CALY: variants seen among roughly 807,000 people sequenced by gnomAD.
The protein encoded by CALY is neuron-specific vesicular protein calcyon.
In CALY, 15 loss-of-function variants were observed where a neutral mutation model predicts 20.2. That is an observed-to-expected ratio of 0.74 (90% CI 0.50 to 1.14). The LOEUF (loss-of-function observed/expected upper bound fraction) is 1.14. CALY is among the 50% of genes most tolerant of loss of function. The probability of loss-of-function intolerance (pLI) is 0.00; values close to 1 mark genes in which losing one functional copy is unlikely to be tolerated. For synonymous variants in CALY, 129 were observed against 131.8 expected (o/e 0.98, Z 0.15); for missense variants, 270 against 304.4 (o/e 0.89, Z 0.84).
chr10:133,324,104 C>T lies in CALY; in HGVS notation c.*1491G>A, dbSNP rs1274145596. 15 of 183,506 alleles carry T rather than the reference C, an allele frequency of 8.2e-5. No individual in the cohort carries two copies. The highest frequency in any genetic ancestry group is 3.5e-5 in the Non-Finnish European group (3 of 84,878). The allele number at this position is 183,506 out of a possible 1,614,324, so 11.4% of individuals were successfully genotyped here. ...GAAAGCTGTATTTTAATTCAAACAT[C>T]GGCCATGCAGAGACTCCCTGCCCCC... On this transcript the variant is annotated 3_prime_UTR_variant, in exon 6 of 6. Transcript: ENST00000252939.
At position 133,324,234 on chromosome 10, in the gene CALY, A is replaced by C; in HGVS notation, c.*1361T>G. ...TGTTCATCTGGCCAATGCCCTTAGA[A>C]GCCCAGCAGTGAAGGGTGTGGTGTG... On this transcript the variant is annotated 3_prime_UTR_variant, in exon 6 of 6. Coordinates refer to ENST00000252939, the MANE Select transcript of CALY (RefSeq NM_015722.4). 2.5e-6 allele frequency: 1 copy of C among 402,346 alleles called. No homozygotes were observed. Among genetic ancestry groups the C allele is most frequent in the Non-Finnish European group, 5.1e-6 (1 of 194,862 alleles). 24.9% of individuals were successfully genotyped at this position (402,346 alleles called of 1,614,324 possible).
chr10:133,324,261 A>G lies in CALY; in HGVS notation c.*1334T>C. 6.8e-6 allele frequency: 3 copies of G among 444,038 alleles called. No homozygotes were observed. Among genetic ancestry groups the G allele is most frequent in the South Asian group, 1.6e-5 (1 of 63,478 alleles). The allele number at this position is 444,038 out of a possible 1,614,324, so 27.5% of individuals were successfully genotyped here. A position where few individuals can be genotyped will look rare whatever the true frequency, so the allele number is the denominator to read the frequency against. ...CCCAGCAGTGAAGGGTGTGGTGTGC[A>G]TGGCCCTGCCTTCCCTGACCCCACC... is the stretch of plus-strand genomic sequence containing the variant. On this transcript the variant is annotated 3_prime_UTR_variant, in exon 6 of 6. Transcript: ENST00000252939.
At chr10:133,336,277 C>T (rs1039724569) in intron 1 of CALY, among the ~76,000 whole-genome samples, 1 of 152,192 alleles carries the variant, frequency 6.6e-6, no homozygotes, top group African/African-American at 2.4e-5. Flanking sequence ...CGCACCCGAG[C>T]CTGCTGCAGG....
chr10:133,327,806 A>C, intron 3 of CALY, 99 bp downstream of exon 3: 1 of 791,422 alleles, frequency 1.3e-6, no homozygotes, highest in Non-Finnish European at 2.2e-6. Context: ...GAGCAAGGGG[A>C]CCCCAGACTG....
intron 1 of CALY, among the ~76,000 whole-genome samples, chr10:133,334,828 G>A (rs1416308605): frequency 6.6e-6 from 1 of 152,032 alleles, no homozygotes; most frequent in African/African-American, 2.4e-5. Context: ...GCCCTAACCC[G>A]TGCCCCTCGT....
rs372158723 is a variant in CALY, at chr10:133,326,979, G to C, written c.259C>G (p.Arg87Gly). The C allele has an allele frequency of 3.7e-6, 6 of 1,607,822 alleles. No individual in the cohort carries two copies. The highest frequency in any genetic ancestry group is 5.1e-6 in the Non-Finnish European group (6 of 1,178,232). ...AGCGCCATGGCGAAGGCGATCATCC[G>C]TGCGGTGGGCAGCTGGCAGGAGGGC... ...PEEGRRLPTA[R>G]MIAFAMALLG... Residue 87 changes from arginine (R) to glycine (G), a missense_variant, in exon 4 of 6, where the codon CGG (arginine) becomes GGG (glycine). Arg to Gly is a moderately radical substitution (Grantham distance 125, BLOSUM62 -2). Coordinates refer to ENST00000252939, the MANE Select transcript of CALY (RefSeq NM_015722.4).
At chr10:133,332,816 T>A (rs1009873889) in intron 1 of CALY, among the ~76,000 whole-genome samples, 4 of 152,136 alleles carry the variant, frequency 2.6e-5, no homozygotes, top group Non-Finnish European at 5.9e-5. Flanking sequence ...GAGAGTGTTA[T>A]GTGTAGACGG....
At position 133,324,695 on chromosome 10, in the gene CALY, CG is replaced by C. The variant is rs1268319732; in HGVS notation, c.*899del. The C allele has an allele frequency of 8.8e-6, 3 of 342,456 alleles. No individual in the cohort carries two copies. The highest frequency in any genetic ancestry group is 6.2e-5 in the South Asian group (3 of 48,178). The allele number at this position is 342,456 out of a possible 1,614,324, so 21.2% of individuals were successfully genotyped here. The stretch of plus-strand genomic sequence containing the variant: ...GGTGCAGGTGGTGGGTGAGATCTGC[CG>C]GAAGTCCATTCCCTGTAGTGTTCAG... On this transcript the variant is annotated 3_prime_UTR_variant, in exon 6 of 6. Transcript: ENST00000252939.
chr10:133,325,786 G>T lies in CALY; in HGVS notation c.*28+13C>A, dbSNP rs1200129736. The T allele has an allele frequency of 3.6e-6, 4 of 1,123,412 alleles. No individual in the cohort carries two copies. In the African/African-American group the frequency reaches 4.9e-5, roughly 14 times the overall value. 69.6% of individuals were successfully genotyped at this position (1,123,412 alleles called of 1,614,324 possible). On this transcript the variant is annotated intron_variant, in intron 5 of 5. Coordinates refer to ENST00000252939, the MANE Select transcript of CALY (RefSeq NM_015722.4). ...TGGGCAGAGCCGGCCGGAGCCCCGC[G>T]GCGCGCACCTACCCCGGGCCGGGCT... is the stretch of plus-strand genomic sequence containing the variant.
intron 1 of CALY, among the ~76,000 whole-genome samples, chr10:133,336,618 C>T (rs975905154): frequency 6.6e-6 from 1 of 152,176 alleles, no homozygotes; most frequent in African/African-American, 2.4e-5. Flanking sequence ...AGAGGAGGCC[C>T]GAGGGAGGAG....
rs77154765 is a variant in CALY, at chr10:133,327,061, G to A, written c.247-70C>T. 1.3e-5 allele frequency: 14 copies of A among 1,052,154 alleles called. No individual in the cohort carries two copies. The African/African-American group carries it at 1.7e-4, about 13-fold the overall frequency. 65.2% of individuals were successfully genotyped at this position (1,052,154 alleles called of 1,614,324 possible). A position where few individuals can be genotyped will look rare whatever the true frequency, so the allele number is the denominator to read the frequency against. Reference sequence around the variant, plus strand: ...GGTCTTTGTGGGGAGCTCCTCAGGGGCTGGGCTGGCACAGGACCATCCCCG... The same window carrying A: ...GGTCTTTGTGGGGAGCTCCTCAGGGACTGGGCTGGCACAGGACCATCCCCG... On this transcript the variant is annotated intron_variant, in intron 3 of 5. Coordinates refer to ENST00000252939, the MANE Select transcript of CALY (RefSeq NM_015722.4).
In CALY at chr10:133,329,029, G is replaced by A; in HGVS notation, c.-20-20C>T. 6.6e-7 allele frequency: 1 copy of A among 1,516,254 alleles called. No homozygotes were observed. The highest frequency in any genetic ancestry group is 1.2e-5 in the South Asian group (1 of 81,298). The allele number at this position is 1,516,254 out of a possible 1,614,324, so 93.9% of individuals were successfully genotyped here. The stretch of plus-strand genomic sequence containing the variant: ...CTTGTCCTGTCCAAAGACAGACAGA[G>A]TCACTGCCCACAGGCTGCCCCCTGG... On this transcript the variant is annotated intron_variant, in intron 1 of 5. Transcript: ENST00000252939.
intron 4 of CALY, 49 bp downstream of exon 4, chr10:133,326,829 G>T (rs756079418): frequency 2.3e-6 from 3 of 1,283,846 alleles, no homozygotes; most frequent in Non-Finnish European, 2.2e-6. Context: ...TGGAGGCTAC[G>T]GGAGGAGGGG....
chr10:133,328,414 T>TG (rs1467026263), intron 2 of CALY, among the ~76,000 whole-genome samples: 6 of 152,158 alleles, frequency 3.9e-5, no homozygotes, highest in Non-Finnish European at 8.8e-5. Flanking sequence ...CATGACTCCC[T>TG]GGGGGGTCAA....
At chr10:133,327,080 A>C (rs566691242) in intron 3 of CALY, 89 bp from the exon 4 acceptor site, 1 of 873,484 alleles carries the variant, frequency 1.1e-6, no homozygotes, top group East Asian at 2.6e-5. Context: ...GCACAGGACC[A>C]TCCCCGCCCT....
chr10:133,336,212 C>T (rs936799814), intron 1 of CALY, among the ~76,000 whole-genome samples: 1 of 151,964 alleles, frequency 6.6e-6, no homozygotes, highest in Non-Finnish European at 1.5e-5. Context: ...CGCAGCCCCT[C>T]GGAGGGGAGT....
At chr10:133,327,763 C>A in intron 3 of CALY, 142 bp downstream of exon 3, 1 of 721,940 alleles carries the variant, frequency 1.4e-6, no homozygotes, top group Non-Finnish European at 2.6e-6. Flanking sequence ...CAGCTCTGGG[C>A]GGGATGACTC....
chr10:133,331,709 AC>A (rs893475365), intron 1 of CALY, among the ~76,000 whole-genome samples: 55 of 151,804 alleles, frequency 3.6e-4, no homozygotes, highest in African/African-American at 1.3e-3. Flanking sequence ...CAAATTACCC[AC>A]CCCCCAATCT....
intron 2 of CALY, among the ~76,000 whole-genome samples, chr10:133,328,423 A>T (rs1418571911): frequency 3.9e-5 from 6 of 152,194 alleles, no homozygotes; most frequent in Non-Finnish European, 8.8e-5. Flanking sequence ...CTGGGGGGTC[A>T]AACTGGGCTG....
Sources: allele counts gnomAD v4.1 joint callset (sites outside exome capture counted in the v4.1 genomes callset), GRCh38; gene constraint gnomAD v4.1.1; transcripts MANE v1.5; gene names NCBI Gene and HGNC (gene_info 2026-07-23, HGNC 2026-07-21).